UST: variants seen among roughly 807,000 people sequenced by gnomAD.
UST encodes the protein uronyl 2-sulfotransferase.
A neutral mutation model predicts 45.6 loss-of-function variants in UST; 21 were observed. The observed-to-expected ratio is 0.46, with a 90% CI of 0.33 to 0.66. UST has a LOEUF of 0.66. Among genes scored for constraint, UST ranks in the 30% least tolerant of loss-of-function variants. The pLI is 0.02. For missense variants in UST, 463 were observed against 512.4 expected (o/e 0.90, Z 0.93); for synonymous variants, 215 against 200.6 (o/e 1.07, Z -0.61).
intron 7 of UST, among the ~76,000 whole-genome samples, chr6:149,054,703 A>G (rs1287005818): frequency 6.6e-6 from 1 of 152,242 alleles, no homozygotes; most frequent in Non-Finnish European, 1.5e-5. Context: ...AGCCTTTGGC[A>G]AAAGTGTGAA....
At chr6:148,906,317 T>C (rs1436252250) in intron 2 of UST, among the ~76,000 whole-genome samples, 1 of 152,232 alleles carries the variant, frequency 6.6e-6, no homozygotes, top group African/African-American at 2.4e-5. Flanking sequence ...AGGGCATTAA[T>C]AATGAGAAGT....
chr6:149,058,665 C>T (rs992412952), intron 7 of UST, among the ~76,000 whole-genome samples: 5 of 151,928 alleles, frequency 3.3e-5, no homozygotes, highest in South Asian at 2.1e-4. Context: ...AAGTAACAAA[C>T]GTAATAAAAA....
chr6:148,787,572 T>C (rs780569745), intron 1 of UST, among the ~76,000 whole-genome samples: 5 of 152,258 alleles, frequency 3.3e-5, no homozygotes, highest in Admixed American at 6.5e-5. Context: ...ACCAGTACCA[T>C]GCTGTTTTGG....
chr6:149,011,152 C>T lies in UST; in HGVS notation c.682-7987C>T, dbSNP rs151030673. On this transcript the variant is annotated intron_variant, in intron 5 of 7. Coordinates refer to ENST00000367463, the MANE Select transcript of UST (RefSeq NM_005715.3). The stretch of plus-strand genomic sequence containing the variant: ...AATGAGATCCTGTCATTTGCAATGA[C>T]GTGGAGGTCATGTTGAATGGAACTG... Among the ~76,000 whole-genome samples, 212 of 152,090 alleles carry T rather than the reference C, an allele frequency of 1.4e-3. 1 individual carries two copies. The highest frequency in any genetic ancestry group is 3.4e-3 in the Admixed American group (52 of 15,276).
At chr6:148,908,344 A>G (rs1779407948) in intron 2 of UST, among the ~76,000 whole-genome samples, 1 of 152,168 alleles carries the variant, frequency 6.6e-6, no homozygotes, top group South Asian at 2.1e-4. Context: ...TAGAATAATA[A>G]TGTTTCATCT....
At chr6:149,039,702 A>T (rs1562336833) in intron 7 of UST, among the ~76,000 whole-genome samples, 1 of 152,180 alleles carries the variant, frequency 6.6e-6, no homozygotes, top group Non-Finnish European at 1.5e-5. Flanking sequence ...TGATCAAACA[A>T]AAAAAAGGAC....
chr6:149,019,709 A>G (rs374072362), intron 6 of UST, among the ~76,000 whole-genome samples: 1 of 152,192 alleles, frequency 6.6e-6, no homozygotes, highest in African/African-American at 2.4e-5. Flanking sequence ...CCCATAGTGG[A>G]TATACTTAGT....
At chr6:149,057,897 T>C (rs548580820) in intron 7 of UST, among the ~76,000 whole-genome samples, 1 of 152,234 alleles carries the variant, frequency 6.6e-6, no homozygotes, top group Non-Finnish European at 1.5e-5. Context: ...TATTCTTGTT[T>C]TCCTAAGTTT....
intron 7 of UST, among the ~76,000 whole-genome samples, chr6:149,048,030 A>G (rs1776418503): frequency 6.6e-6 from 1 of 152,202 alleles, no homozygotes; most frequent in Admixed American, 6.5e-5. Flanking sequence ...AAAAGAAAGA[A>G]TAAATAAAGG....
intron 1 of UST, among the ~76,000 whole-genome samples, chr6:148,765,499 A>T (rs965131927): frequency 6.6e-6 from 1 of 152,210 alleles, no homozygotes; most frequent in African/African-American, 2.4e-5. Context: ...AATTCTGTGA[A>T]AAATGACATC....
intron 1 of UST, among the ~76,000 whole-genome samples, chr6:148,864,401 T>G (rs1013218891): frequency 3.3e-5 from 5 of 152,222 alleles, no homozygotes; most frequent in Non-Finnish European, 7.3e-5. Flanking sequence ...GTGCCATGCG[T>G]CACAGCTTCC....
At chr6:148,778,636 G>C (rs554931561) in intron 1 of UST, among the ~76,000 whole-genome samples, 2 of 152,316 alleles carry the variant, frequency 1.3e-5, no homozygotes, top group African/African-American at 4.8e-5. Context: ...GACAATCCCT[G>C]CATCAGTGTG....
intron 1 of UST, among the ~76,000 whole-genome samples, chr6:148,796,797 C>CCT (rs1776958467): frequency 1.4e-5 from 1 of 72,054 alleles, no homozygotes; most frequent in Non-Finnish European, 2.4e-5. Context: ...TCTGATAATT[C>CCT]TTTTTTTTTT....
intron 1 of UST, among the ~76,000 whole-genome samples, chr6:148,773,831 G>T (rs1776479255): frequency 6.6e-6 from 1 of 152,154 alleles, no homozygotes; most frequent in African/African-American, 2.4e-5. Flanking sequence ...CTTCCAGCGG[G>T]ATGGGCGTTG....
At chr6:148,829,571 T>C (rs1370378629) in intron 1 of UST, among the ~76,000 whole-genome samples, 2 of 152,206 alleles carry the variant, frequency 1.3e-5, no homozygotes, top group Admixed American at 1.3e-4. Context: ...ACTTGCCCTT[T>C]TGAGGCCATC....
intron 7 of UST, among the ~76,000 whole-genome samples, chr6:149,037,303 A>C (rs1476318341): frequency 6.6e-6 from 1 of 151,682 alleles, no homozygotes; most frequent in East Asian, 1.9e-4. Flanking sequence ...TCGTATAACC[A>C]CTCCATTTGA....
chr6:148,925,167 AAAG>A (rs757469797), intron 2 of UST, among the ~76,000 whole-genome samples: 3 of 152,150 alleles, frequency 2.0e-5, no homozygotes, highest in Non-Finnish European at 4.4e-5. Context: ...TATGAGAGAA[AAAG>A]AAGGAGACTG....
chr6:149,052,089 G>A (rs1046929576), intron 7 of UST, among the ~76,000 whole-genome samples: 1 of 152,186 alleles, frequency 6.6e-6, no homozygotes, highest in Non-Finnish European at 1.5e-5. Flanking sequence ...TACTGTAAGG[G>A]ATATGAATCT....
rs374811489 is a variant in UST at position 148,787,531 on chromosome 6, C to A, written c.247+39854C>A. 2.6e-5 allele frequency among the ~76,000 whole-genome samples: 4 copies of A among 152,116 alleles called. 1 individual carries two copies. The highest frequency in any genetic ancestry group is 1.9e-4 in the East Asian group (1 of 5,202). On this transcript the variant is annotated intron_variant, in intron 1 of 7. Transcript: ENST00000367463. Reference sequence around the variant, plus strand: ...TGGCCTTATTTCTGGGTTCTCTATTCTGTTCCATAGGTCTATGTGTCTGTT... The same window carrying A: ...TGGCCTTATTTCTGGGTTCTCTATTATGTTCCATAGGTCTATGTGTCTGTT...
Sources: allele counts gnomAD v4.1 joint callset (sites outside exome capture counted in the v4.1 genomes callset), GRCh38; gene constraint gnomAD v4.1.1; transcripts MANE v1.5; gene names NCBI Gene and HGNC (gene_info 2026-07-23, HGNC 2026-07-21).